Variants in SLC67A1 observed in about 807,000 individuals in gnomAD.
SLC67A1 encodes the protein solute carrier family 67 member 1.
chr11:2,909,525 G>GGGGGGGGGGC, the SLC67A1 span: 1 of 795,090 alleles, frequency 1.3e-6, no homozygotes, highest in Admixed American at 2.6e-5. Context: ...GTCAGGGGGG[G>GGGGGGGGGGC]AAGGGCCCCA....
chr11:2,923,924 A>C, the SLC67A1 span, among the ~76,000 whole-genome samples: 1 of 152,208 alleles, frequency 6.6e-6, no homozygotes, highest in Non-Finnish European at 1.5e-5. This position sits in a 1 kb window ranked among gnomAD's most constrained non-coding sequence, Gnocchi z 6.5. Flanking sequence ...ATGGTCCTCC[A>C]TGCTGGGCCC....
chr11:2,904,539 G>A, the SLC67A1 span, among the ~76,000 whole-genome samples: 8 of 152,252 alleles, frequency 5.3e-5, no homozygotes, highest in South Asian at 2.1e-4. Context: ...GGATTGGTGC[G>A]GGGAAGAGTG....
the SLC67A1 span, chr11:2,909,218 C>T: frequency 1.3e-6 from 2 of 1,538,006 alleles, no homozygotes; most frequent in East Asian, 2.4e-5. Context: ...GCGCGGGGCG[C>T]GGGCGGCGCT....
At chr11:2,914,790 G>T in the SLC67A1 span, 34 of 985,342 alleles carry the variant, frequency 3.5e-5, 1 homozygote, top group Admixed American at 2.0e-3. Context: ...TGCCCAGCCA[G>T]ACCCTGAGCT....
the SLC67A1 span, chr11:2,922,211 C>G: frequency 6.2e-7 from 1 of 1,609,832 alleles, no homozygotes; most frequent in Middle Eastern, 1.7e-4. Flanking sequence ...ATGGTGAGGG[C>G]TCCCCGCTTT....
chr11:2,923,666 G>A, the SLC67A1 span, among the ~76,000 whole-genome samples: 1 of 152,330 alleles, frequency 6.6e-6, no homozygotes, highest in South Asian at 2.1e-4. The surrounding 1 kb of genome is among the most constrained non-coding windows in gnomAD (Gnocchi z 6.5). Flanking sequence ...AGGAGGTTGG[G>A]CAGCACTTTG....
At chr11:2,918,974 C>T in the SLC67A1 span, 6 of 282,258 alleles carry the variant, frequency 2.1e-5, no homozygotes, top group South Asian at 3.5e-4. Flanking sequence ...GGATTGCAGA[C>T]GTGACTTTGA....
the SLC67A1 span, chr11:2,917,851 G>A: frequency 6.3e-6 from 4 of 630,050 alleles, no homozygotes; most frequent in African/African-American, 5.5e-5. Context: ...CCACAAGTGA[G>A]CGGTGCTGAA....
chr11:2,918,937 C>T, the SLC67A1 span: 4 of 222,142 alleles, frequency 1.8e-5, no homozygotes, highest in East Asian at 4.5e-4. Flanking sequence ...TCAATCAGTC[C>T]TCCCTCTTCG....
chr11:2,900,320 T>C, the SLC67A1 span, among the ~76,000 whole-genome samples: 100 of 152,214 alleles, frequency 6.6e-4, 1 homozygote, highest in Middle Eastern at 0.01. Flanking sequence ...AGAGGGCAGA[T>C]TGATTGGACA....
the SLC67A1 span, chr11:2,902,401 C>A: frequency 1.2e-5 from 2 of 169,128 alleles, no homozygotes; most frequent in South Asian, 1.9e-4. Flanking sequence ...GGCCTCTGAG[C>A]CCCGAACCCC....
chr11:2,918,132 C>A, the SLC67A1 span: 1 of 1,537,422 alleles, frequency 6.5e-7, no homozygotes, highest in Non-Finnish European at 9.0e-7. Flanking sequence ...CGGCCAGAGC[C>A]TGGCAGAGTC....
chr11:2,914,869 G>C, the SLC67A1 span: 61 of 985,336 alleles, frequency 6.2e-5, no homozygotes, highest in African/African-American at 1.0e-3. Context: ...GGCCACAGGG[G>C]CCAGTTGTCC....
the SLC67A1 span, chr11:2,919,538 C>A: frequency 1.5e-6 from 1 of 671,102 alleles, no homozygotes; most frequent in South Asian, 1.8e-5. Flanking sequence ...ATGTCAGGGT[C>A]CACAGGGAAC....
At chr11:2,924,897 C>A in the SLC67A1 span, 2 of 911,152 alleles carry the variant, frequency 2.2e-6, no homozygotes, top group African/African-American at 3.3e-5. This position sits in a 1 kb window ranked among gnomAD's most constrained non-coding sequence, Gnocchi z 8.6. Flanking sequence ...GTGCGGACTG[C>A]GCCGTGAGGT....
At chr11:2,903,082 G>A in the SLC67A1 span, 4 of 653,078 alleles carry the variant, frequency 6.1e-6, no homozygotes, top group Admixed American at 3.6e-5. Flanking sequence ...TCCCCTCCCC[G>A]GGAGGCTGTG....
At chr11:2,917,918 C>G in the SLC67A1 span, 1 of 1,259,662 alleles carries the variant, frequency 7.9e-7, no homozygotes, top group East Asian at 2.5e-5. Context: ...AATGGCGAGG[C>G]CTGCAGCCGG....
At chr11:2,910,385 G>C in the SLC67A1 span, among the ~76,000 whole-genome samples, 1 of 152,322 alleles carries the variant, frequency 6.6e-6, no homozygotes, top group Admixed American at 6.5e-5. Flanking sequence ...GGAGCAAAAA[G>C]TCACAAAGTA....
At chr11:2,903,878 C>A in the SLC67A1 span, 1 of 202,314 alleles carries the variant, frequency 4.9e-6, no homozygotes, top group Non-Finnish European at 1.0e-5. Flanking sequence ...CTCAGAGAGG[C>A]TCTCCTTGCA....
Sources: allele counts gnomAD v4.1 joint callset (sites outside exome capture counted in the v4.1 genomes callset), GRCh38; gene constraint gnomAD v4.1.1; non-coding constraint Gnocchi (gnomAD v3.1); transcripts MANE v1.5; gene names NCBI Gene and HGNC (gene_info 2026-07-23, HGNC 2026-07-21).